Variants in SAP30L observed in about 807,000 individuals in gnomAD.
SAP30L encodes histone deacetylase complex subunit SAP30L.
A neutral mutation model predicts 22.3 loss-of-function variants in SAP30L; 10 were observed. The ratio of observed to expected loss-of-function variants is 0.45; its 90% CI spans 0.28 to 0.76. The LOEUF is 0.76. Among genes scored for constraint, SAP30L ranks in the 30% least tolerant of loss-of-function variants. SAP30L has a pLI of 0.14. For synonymous variants in SAP30L, 91 were observed against 94.1 expected (o/e 0.97, Z 0.19); for missense variants, 206 against 237.9 (o/e 0.87, Z 0.88).
rs193044589 is a variant in SAP30L at position 154,458,389 on chromosome 5, T to A, written c.*2361T>A. 1 of 152,382 alleles carries A rather than the reference T, an allele frequency of 6.6e-6. No homozygotes were observed. Among genetic ancestry groups the A allele is most frequent in the Non-Finnish European group, 1.5e-5 (1 of 68,056 alleles). 9.4% of individuals were successfully genotyped at this position (152,382 alleles called of 1,614,324 possible). On this transcript the variant is annotated 3_prime_UTR_variant, in exon 4 of 4. Transcript: ENST00000297109. ...CACTAAACCACTCGCCTTAGCCTCT[T>A]CTGCAGTTTCTGGTGGCTCTATCTG...
At chr5:154,447,658 G>A (rs1757049910) in intron 1 of SAP30L, among the ~76,000 whole-genome samples, 1 of 152,214 alleles carries the variant, frequency 6.6e-6, no homozygotes, top group Non-Finnish European at 1.5e-5. Context: ...TAATATTCAG[G>A]TAGACTAGCT....
At position 154,456,185 on chromosome 5, in the gene SAP30L, A is replaced by C. The variant is rs916397164; in HGVS notation, c.*157A>C. 13 of 629,246 alleles carry C rather than the reference A, an allele frequency of 2.1e-5. No individual in the cohort carries two copies. The highest frequency in any genetic ancestry group is 1.9e-4 in the African/African-American group (10 of 53,634). The allele number at this position is 629,246 out of a possible 1,614,324, so 39.0% of individuals were successfully genotyped here. A position where few individuals can be genotyped will look rare whatever the true frequency, so the allele number is the denominator to read the frequency against. The stretch of plus-strand genomic sequence containing the variant: ...TTTTGGTCAGGAGGATTATATTCTC[A>C]TGATTCAGCATGTGTATAGAAAGAC... On this transcript the variant is annotated 3_prime_UTR_variant, in exon 4 of 4. Coordinates refer to ENST00000297109, the MANE Select transcript of SAP30L (RefSeq NM_024632.6).
intron 2 of SAP30L, 94 bp from the exon 3 acceptor site, chr5:154,453,307 AC>A: frequency 1.2e-6 from 1 of 816,938 alleles, no homozygotes; most frequent in South Asian, 1.6e-5. Flanking sequence ...CCCCATCCTC[AC>A]CCCTACCTTA....
Position 154,456,681 on chromosome 5 carries a change from G to A in SAP30L, c.*653G>A, listed in dbSNP as rs1757272172. 6 of 152,244 alleles carry A rather than the reference G, an allele frequency of 3.9e-5. No individual in the cohort carries two copies. In the South Asian group the frequency reaches 1.2e-3, roughly 31 times the overall value. 9.4% of individuals were successfully genotyped at this position (152,244 alleles called of 1,614,324 possible). A position where few individuals can be genotyped will look rare whatever the true frequency, so the allele number is the denominator to read the frequency against. ...TCTGTTGCTCACCACTTAACTGCTA[G>A]AATGTGGAGGAAATCCTGATGCACC... is the stretch of plus-strand genomic sequence containing the variant. On this transcript the variant is annotated 3_prime_UTR_variant, in exon 4 of 4. Coordinates refer to ENST00000297109, the MANE Select transcript of SAP30L (RefSeq NM_024632.6).
chr5:154,448,132 T>C (rs1054580234), intron 1 of SAP30L, among the ~76,000 whole-genome samples: 12 of 152,202 alleles, frequency 7.9e-5, no homozygotes, highest in Middle Eastern at 6.8e-3. Flanking sequence ...TTTGCCGCCA[T>C]GCCTGGCTGA....
At chr5:154,448,972 T>C (rs1414332870) in intron 1 of SAP30L, among the ~76,000 whole-genome samples, 1 of 150,662 alleles carries the variant, frequency 6.6e-6, no homozygotes, top group Non-Finnish European at 1.5e-5. Flanking sequence ...TTGCAGAAAG[T>C]GAAGGAAAAA....
intron 1 of SAP30L, among the ~76,000 whole-genome samples, chr5:154,448,953 T>A (rs750881211): frequency 6.6e-6 from 1 of 152,274 alleles, no homozygotes; most frequent in East Asian, 1.9e-4. Flanking sequence ...TTACAAGAAT[T>A]TTTAGCTATT....
intron 2 of SAP30L, chr5:154,452,566 G>T: frequency 1.3e-6 from 1 of 797,944 alleles, no homozygotes; most frequent in Non-Finnish European, 1.5e-6. Flanking sequence ...CTCTTCCTTT[G>T]TTAGAAACAA....
At chr5:154,451,043 G>C in intron 1 of SAP30L, 48 bp from the exon 2 acceptor site, 1 of 1,609,796 alleles carries the variant, frequency 6.2e-7, no homozygotes, top group Non-Finnish European at 8.5e-7. Flanking sequence ...ACCTATTGCT[G>C]TCTCCAAGGA....
intron 1 of SAP30L, among the ~76,000 whole-genome samples, chr5:154,447,031 C>T (rs1052351730): frequency 2.0e-5 from 3 of 152,270 alleles, no homozygotes; most frequent in Non-Finnish European, 4.4e-5. Context: ...TTCAGGACTC[C>T]TGCTGCCTGG....
intron 1 of SAP30L, 95 bp downstream of exon 1, chr5:154,446,900 C>G (rs1306549492): frequency 3.7e-6 from 4 of 1,067,116 alleles, no homozygotes; most frequent in Non-Finnish European, 5.4e-6. Flanking sequence ...CACTCCCCGC[C>G]GTGGGCCTCG....
intron 3 of SAP30L, among the ~76,000 whole-genome samples, chr5:154,453,914 C>T (rs1027419003): frequency 1.3e-5 from 2 of 152,186 alleles, no homozygotes; most frequent in African/African-American, 2.4e-5. Flanking sequence ...GCAGCCCCAA[C>T]CTCCCAGCTT....
Position 154,459,174 on chromosome 5 carries a change from C to T in SAP30L, c.*3146C>T, listed in dbSNP as rs1245719981. The T allele has an allele frequency of 6.6e-6, 1 of 152,228 alleles. No individual in the cohort carries two copies. Among genetic ancestry groups the T allele is most frequent in the Non-Finnish European group, 1.5e-5 (1 of 68,050 alleles). The allele number at this position is 152,228 out of a possible 1,614,324, so 9.4% of individuals were successfully genotyped here. ...AGGCTGTTGCCCAGAGCAGTTGCTTCATGGAAGTCATCCAAAGGCGCTCTC... is the reference window on the plus strand; with the variant it reads ...AGGCTGTTGCCCAGAGCAGTTGCTTTATGGAAGTCATCCAAAGGCGCTCTC... On this transcript the variant is annotated 3_prime_UTR_variant, in exon 4 of 4. Coordinates refer to ENST00000297109, the MANE Select transcript of SAP30L (RefSeq NM_024632.6).
At chr5:154,446,936 TG>T (rs1281743459) in intron 1 of SAP30L, 131 bp downstream of exon 1, 1 of 700,918 alleles carries the variant, frequency 1.4e-6, no homozygotes, top group Non-Finnish European at 2.3e-6. Context: ...AGAACTGAGT[TG>T]GACTCCGCAT....
At chr5:154,450,841 G>A (rs1757122266) in intron 1 of SAP30L, among the ~76,000 whole-genome samples, 1 of 152,152 alleles carries the variant, frequency 6.6e-6, no homozygotes, top group South Asian at 2.1e-4. Flanking sequence ...TTCCTTTGCT[G>A]AATCTGTACC....
At chr5:154,451,688 C>T (rs2113273820) in intron 2 of SAP30L, among the ~76,000 whole-genome samples, 1 of 152,320 alleles carries the variant, frequency 6.6e-6, no homozygotes, top group South Asian at 2.1e-4. Context: ...CTAGTCCAGG[C>T]TGTTCCCAAG....
At position 154,447,969 on chromosome 5, in the gene SAP30L, C is replaced by CTTTTTTTTTTTTTTTTTTTTTT. The variant is rs140213326; in HGVS notation, c.201+1167_201+1188dup. ...TTTCTTTTCTTTTTTTTTTCTTTTT[C>CTTTTTTTTTTTTTTTTTTTTTT]TTTTTTTTTTTTTTTTTTTTTTTTG... On this transcript the variant is annotated intron_variant, in intron 1 of 3. Transcript: ENST00000297109. 2.8e-3 allele frequency among the ~76,000 whole-genome samples: 244 copies of CTTTTTTTTTTTTTTTTTTTTTT among 88,398 alleles called. 2 individuals carry two copies. The highest frequency in any genetic ancestry group is 3.2e-3 in the Non-Finnish European group (157 of 49,124). 58.0% of individuals were successfully genotyped at this position (88,398 alleles called of 152,430 possible).
chr5:154,454,656 A>G (rs1010047976), intron 3 of SAP30L, among the ~76,000 whole-genome samples: 4 of 152,202 alleles, frequency 2.6e-5, no homozygotes, highest in Non-Finnish European at 5.9e-5. Flanking sequence ...CAGATGACAC[A>G]CAGGAGGTCA....
At chr5:154,455,751 C>CGA in intron 3 of SAP30L, 149 bp from the exon 4 acceptor site, 1 of 1,027,698 alleles carries the variant, frequency 9.7e-7, no homozygotes, top group South Asian at 1.7e-5. Context: ...AAAGGGCACT[C>CGA]TGAGTTCCGC....
Sources: gnomAD v4.1 joint callset for allele counts (sites outside exome capture counted in the v4.1 genomes callset) on GRCh38, gnomAD v4.1.1 for gene constraint, MANE v1.5 for transcripts, NCBI Gene and HGNC (gene_info 2026-07-23, HGNC 2026-07-21) for gene names.